C16orf89: variants seen among roughly 807,000 people sequenced by gnomAD.
C16orf89 encodes the protein chromosome 16 open reading frame 89.
Under a neutral mutation model 41.5 loss-of-function variants are expected in C16orf89, and 57 were observed. That is an observed-to-expected ratio of 1.38 (90% CI 1.11 to 1.71). C16orf89 has a LOEUF of 1.71. C16orf89 is among the 40% of genes most tolerant of loss of function. The probability of loss-of-function intolerance (pLI) is 0.00; values close to 1 mark genes in which losing one functional copy is unlikely to be tolerated. For missense variants in C16orf89, 575 were observed against 445.9 expected, an observed-to-expected ratio of 1.29 and a Z score of -2.61; for synonymous variants, 223 against 190.6, an observed-to-expected ratio of 1.17 and a Z score of -1.40.
chr16:5,048,855 G>C (rs1029155484), intron 6 of C16orf89, among the ~76,000 whole-genome samples: 4 of 151,976 alleles, frequency 2.6e-5, no homozygotes, highest in Non-Finnish European at 5.9e-5. Context: ...ACAGGAGTAA[G>C]TCCTCACAAG....
At chr16:5,060,232 G>A in intron 3 of C16orf89, 54 bp downstream of exon 3, 1 of 1,548,662 alleles carries the variant, frequency 6.5e-7, no homozygotes, top group Non-Finnish European at 8.8e-7. Flanking sequence ...GACAGGACCA[G>A]CTGAGAACTA....
chr16:5,044,089 C>T, downstream of C16orf89: 4 of 1,152,704 alleles, frequency 3.5e-6, no homozygotes, highest in Non-Finnish European at 4.3e-6. Flanking sequence ...CCAAGGTTGT[C>T]CTCAAAGCTG....
intron 5 of C16orf89, 98 bp downstream of exon 5, chr16:5,055,954 TG>T: frequency 2.4e-6 from 1 of 418,962 alleles, no homozygotes; most frequent in South Asian, 2.5e-5. Context: ...TGTGTGTGTG[TG>T]TGTGTGTGTG....
At chr16:5,059,205 C>T (rs573935898) in intron 3 of C16orf89, among the ~76,000 whole-genome samples, 3 of 151,970 alleles carry the variant, frequency 2.0e-5, no homozygotes, top group East Asian at 2.0e-4. Context: ...GAGTTGAGAT[C>T]GCATCACTGC....
At position 5,044,130 on chromosome 16, in the gene C16orf89, A is replaced by G; in HGVS notation, c.*218T>C. The G allele has an allele frequency of 7.9e-7, 1 of 1,267,942 alleles. No individual in the cohort carries two copies. Among genetic ancestry groups the G allele is most frequent in the Non-Finnish European group, 9.9e-7 (1 of 1,009,356 alleles). 78.5% of individuals were successfully genotyped at this position (1,267,942 alleles called of 1,614,324 possible). ...CAAGACTCAACCCTGGGTCAGTTGC[A>G]GTTGAACTTTATTCATCCGTTCACA... On this transcript the variant is annotated 3_prime_UTR_variant, in exon 8 of 8. Coordinates refer to ENST00000472572, the MANE Select transcript of C16orf89 (RefSeq NM_001098514.3).
chr16:5,065,410 CGTT>C (rs1230551336), intron 1 of C16orf89, among the ~76,000 whole-genome samples: 1 of 152,096 alleles, frequency 6.6e-6, no homozygotes, highest in East Asian at 1.9e-4. Flanking sequence ...TTGTTCGTGG[CGTT>C]GTGAGGAGGG....
chr16:5,044,855 A>G, intron 7 of C16orf89: 1 of 1,258,940 alleles, frequency 7.9e-7, no homozygotes, highest in South Asian at 1.3e-5. Context: ...AAAAAAAAAA[A>G]AGTGCTTTTC....
At chr16:5,048,743 A>G (rs1219170980) in intron 6 of C16orf89, among the ~76,000 whole-genome samples, 1 of 152,206 alleles carries the variant, frequency 6.6e-6, no homozygotes. Flanking sequence ...AAGAAGCAAA[A>G]CTATCACTAG....
At chr16:5,048,758 A>T (rs2142609364) in intron 6 of C16orf89, among the ~76,000 whole-genome samples, 1 of 152,346 alleles carries the variant, frequency 6.6e-6, no homozygotes, top group South Asian at 2.1e-4. Flanking sequence ...CACTAGAGAA[A>T]AGCCCAAACA....
chr16:5,065,675 A>T, intron 1 of C16orf89, 26 bp downstream of exon 1: 1 of 1,596,326 alleles, frequency 6.3e-7, no homozygotes, highest in Non-Finnish European at 8.6e-7. Context: ...CCCAGTGTCC[A>T]GCCAGAGGAA....
At chr16:5,054,835 C>T (rs957904683) in intron 6 of C16orf89, among the ~76,000 whole-genome samples, 2 of 152,206 alleles carry the variant, frequency 1.3e-5, no homozygotes, top group African/African-American at 2.4e-5. Context: ...CTCATTCTCT[C>T]TTGTCTGCCA....
In C16orf89 at chr16:5,056,284, T is replaced by G. The variant is rs1039573417; in HGVS notation, c.628-96A>C. The G allele has an allele frequency of 3.5e-5, 43 of 1,237,098 alleles. 1 individual carries two copies. The Admixed American group carries it at 9.4e-4, about 27-fold the overall frequency. 76.6% of individuals were successfully genotyped at this position (1,237,098 alleles called of 1,614,324 possible). On this transcript the variant is annotated intron_variant, in intron 4 of 7. Transcript: ENST00000472572. ...AAGTCTTGCAGTTCTGAGACGGTCT[T>G]GCAAGGGGCTGTGTTTAGGGCTGTG... is the stretch of plus-strand genomic sequence containing the variant.
chr16:5,055,908 T>A, intron 5 of C16orf89, 145 bp downstream of exon 5: 2 of 1,266,146 alleles, frequency 1.6e-6, no homozygotes, highest in Non-Finnish European at 1.1e-6. Context: ...CTGAGCACTC[T>A]GTATTTTTAC....
chr16:5,062,420 C>T lies in C16orf89; in HGVS notation c.358+5G>A, dbSNP rs1403375200. 9.3e-6 allele frequency: 15 copies of T among 1,608,710 alleles called. No homozygotes were observed. Among genetic ancestry groups the T allele is most frequent in the East Asian group, 2.2e-5 (1 of 44,786 alleles). ...GAGGGAATGGGACACCCTGCGTGTGCTCACCTCTTAGGTACTTGGGATCAC... is the reference window on the plus strand; with the variant it reads ...GAGGGAATGGGACACCCTGCGTGTGTTCACCTCTTAGGTACTTGGGATCAC... On this transcript the variant is annotated splice_donor_5th_base_variant and intron_variant, in intron 2 of 7. Transcript: ENST00000472572.
rs142070852 is a variant in C16orf89 at position 5,045,183 on chromosome 16, C to T, written c.956-705G>A. On this transcript the variant is annotated intron_variant, in intron 7 of 7. Coordinates refer to ENST00000472572, the MANE Select transcript of C16orf89 (RefSeq NM_001098514.3). Reference sequence around the variant, plus strand: ...TGACTTACGTACCTCAATAAACCCACGCACCGGAGTCCTGTCCCAGGTCCT... The same window carrying T: ...TGACTTACGTACCTCAATAAACCCATGCACCGGAGTCCTGTCCCAGGTCCT... Among the ~76,000 whole-genome samples the T allele has an allele frequency of 2.0e-4, 30 of 152,346 alleles. No individual in the cohort carries two copies. In the East Asian group the frequency reaches 4.6e-3, roughly 24 times the overall value.
At chr16:5,056,282 C>A in intron 4 of C16orf89, 94 bp from the exon 5 acceptor site, 1 of 1,261,294 alleles carries the variant, frequency 7.9e-7, no homozygotes, top group South Asian at 1.5e-5. Context: ...CTGAGACGGT[C>A]TTGCAAGGGG....
intron 4 of C16orf89, among the ~76,000 whole-genome samples, chr16:5,056,596 G>T (rs1956511819): frequency 6.6e-6 from 1 of 152,114 alleles, no homozygotes; most frequent in Non-Finnish European, 1.5e-5. Flanking sequence ...TGTACAACGA[G>T]CCTGAACCCG....
chr16:5,055,248 G>C lies in C16orf89; in HGVS notation c.866C>G (p.Pro289Arg). 1 of 1,606,020 alleles carries C rather than the reference G, an allele frequency of 6.2e-7. No individual in the cohort carries two copies. The highest frequency in any genetic ancestry group is 8.5e-7 in the Non-Finnish European group (1 of 1,174,292). ...QKQQEGCFGE[P>R]DAEDEELSKA... is the part of the protein sequence containing the mutation. ...GCCAGGGCAGCAGCGCAGCTCACCA[G>C]GCTCCCCGAAGCATCCTTCCTGCTG... The change falls in exon 6 of 8, where the codon CCT becomes CGT. Residue 289 changes from proline to arginine, a missense_variant and splice_region_variant. Physicochemically the swap from Pro to Arg is moderately radical, Grantham distance 103 (BLOSUM62 -2). Transcript: ENST00000472572.
At chr16:5,047,168 C>T (rs565020602) in intron 7 of C16orf89, among the ~76,000 whole-genome samples, 20 of 152,252 alleles carry the variant, frequency 1.3e-4, no homozygotes, top group Middle Eastern at 3.4e-3. Context: ...CTTGTTCAGC[C>T]CCTGCAGGCC....
Sources: allele counts gnomAD v4.1 joint callset (sites outside exome capture counted in the v4.1 genomes callset), GRCh38; gene constraint gnomAD v4.1.1; transcripts MANE v1.5; gene names NCBI Gene and HGNC (gene_info 2026-07-23, HGNC 2026-07-21).